CXADR: variants seen among roughly 807,000 people sequenced by gnomAD.
The protein encoded by CXADR is CXADR cell adhesion molecule, also known as coxsackievirus and adenovirus receptor.
Under a neutral mutation model 40.3 loss-of-function variants are expected in CXADR, and 20 were observed. The ratio of observed to expected loss-of-function variants is 0.50; its 90% CI spans 0.35 to 0.72. The LOEUF is 0.72. Ranked by LOEUF, CXADR falls within the 30% of genes least tolerant of loss-of-function variation. The pLI, the probability that CXADR is intolerant of heterozygous loss-of-function variation, is 0.01. For synonymous variants in CXADR, 150 were observed against 161.3 expected (o/e 0.93, Z 0.53); for missense variants, 332 against 449.1 (o/e 0.74, Z 2.36).
In CXADR at chr21:17,568,758, A is replaced by G. The variant is rs2061247918; in HGVS notation, c.*3066A>G. 2.0e-6 allele frequency: 2 copies of G among 985,198 alleles called. No homozygotes were observed. Among genetic ancestry groups the G allele is most frequent in the Non-Finnish European group, 2.4e-6 (2 of 829,944 alleles). The allele number at this position is 985,198 out of a possible 1,614,324, so 61.0% of individuals were successfully genotyped here. On this transcript the variant is annotated 3_prime_UTR_variant, in exon 7 of 7. Transcript: ENST00000284878. Reference sequence around the variant, plus strand: ...TTTCTTACTGGTAATCTTAACTAATATGATTCCCTTGTTAGAGAGCCTCTC... The same window carrying G: ...TTTCTTACTGGTAATCTTAACTAATGTGATTCCCTTGTTAGAGAGCCTCTC...
chr21:17,534,094 A>ATT (rs2060719030), intron 1 of CXADR, among the ~76,000 whole-genome samples: 5 of 90,692 alleles, frequency 5.5e-5, no homozygotes, highest in African/African-American at 2.0e-4. Context: ...ATATATATAT[A>ATT]TATATATTTT....
At chr21:17,599,455 C>T in the CXADR span, among the ~76,000 whole-genome samples, 194 of 146,592 alleles carry the variant, frequency 1.3e-3, 4 homozygotes, top group East Asian at 0.038. Flanking sequence ...GCTAGAATTA[C>T]AGGCATGCGC....
chr21:17,535,905 G>C (rs1190871296), intron 1 of CXADR, among the ~76,000 whole-genome samples: 1 of 152,122 alleles, frequency 6.6e-6, no homozygotes, highest in Non-Finnish European at 1.5e-5. Flanking sequence ...CTACTCGAGA[G>C]GCTAAGGTGG....
At chr21:17,626,318 A>G in the CXADR span, among the ~76,000 whole-genome samples, 1 of 152,252 alleles carries the variant, frequency 6.6e-6, no homozygotes, top group African/African-American at 2.4e-5. Context: ...AAAATGTGCT[A>G]TATACTGCAG....
chr21:17,550,019 A>T (rs2060945206), intron 2 of CXADR, among the ~76,000 whole-genome samples: 1 of 152,178 alleles, frequency 6.6e-6, no homozygotes, highest in African/African-American at 2.4e-5. Context: ...TTTACTTAGC[A>T]AACTGGTATT....
At chr21:17,524,151 C>T (rs940088647) in intron 1 of CXADR, among the ~76,000 whole-genome samples, 1 of 152,022 alleles carries the variant, frequency 6.6e-6, no homozygotes, top group African/African-American at 2.4e-5. Flanking sequence ...ACCTCAGCCT[C>T]CCAAAGTGCT....
At chr21:17,587,155 T>G (rs905791824) in intron 7 of CXADR, among the ~76,000 whole-genome samples, 14 of 152,224 alleles carry the variant, frequency 9.2e-5, no homozygotes, top group Non-Finnish European at 1.8e-4. Flanking sequence ...ACATGTGGGT[T>G]GGTTCCAAGT....
At chr21:17,561,792 T>C (rs906017238) in intron 6 of CXADR, among the ~76,000 whole-genome samples, 2 of 152,120 alleles carry the variant, frequency 1.3e-5, no homozygotes, top group Admixed American at 1.3e-4. Context: ...ATATTGAGGT[T>C]TGAAAAAAAA....
In CXADR at chr21:17,513,183, G is replaced by A. The variant is rs966203150; in HGVS notation, c.43+11G>A. 6.6e-6 allele frequency: 9 copies of A among 1,364,592 alleles called. No individual in the cohort carries two copies. The highest frequency in any genetic ancestry group is 3.0e-5 in the East Asian group (1 of 32,996). 84.5% of individuals were successfully genotyped at this position (1,364,592 alleles called of 1,614,324 possible). A position where few individuals can be genotyped will look rare whatever the true frequency, so the allele number is the denominator to read the frequency against. ...TGTGCGGAGTAGTGGGTGAGTAGGG[G>A]CCATGGGGTCCTCAGCACCCGCCCA... On this transcript the variant is annotated intron_variant, in intron 1 of 6. Transcript: ENST00000284878.
chr21:17,609,118 G>C, the CXADR span: 1 of 1,610,492 alleles, frequency 6.2e-7, no homozygotes, highest in Non-Finnish European at 8.5e-7. Flanking sequence ...TGAAAAAGAA[G>C]ACAACGGCAG....
intron 7 of CXADR, among the ~76,000 whole-genome samples, chr21:17,590,326 T>G (rs903199517): frequency 1.3e-5 from 2 of 151,952 alleles, no homozygotes; most frequent in Non-Finnish European, 2.9e-5. Flanking sequence ...ATTGCAGTGA[T>G]GTATCTGCTA....
At chr21:17,608,413 T>C in the CXADR span, among the ~76,000 whole-genome samples, 1 of 151,894 alleles carries the variant, frequency 6.6e-6, no homozygotes, top group Admixed American at 6.6e-5. Context: ...CCCAGAGCCA[T>C]TATTTACTAG....
At chr21:17,587,295 A>C (rs2061404436) in intron 7 of CXADR, among the ~76,000 whole-genome samples, 3 of 152,074 alleles carry the variant, frequency 2.0e-5, no homozygotes, top group African/African-American at 7.2e-5. Flanking sequence ...CTAGTTCTAG[A>C]TCCCTGAGGA....
At chr21:17,530,675 G>T (rs1034665722) in intron 1 of CXADR, among the ~76,000 whole-genome samples, 1 of 152,066 alleles carries the variant, frequency 6.6e-6, no homozygotes, top group African/African-American at 2.4e-5. Flanking sequence ...TTAGCCGGGC[G>T]TGGTAATGCA....
chr21:17,602,060 A>G, the CXADR span, among the ~76,000 whole-genome samples: 1 of 152,196 alleles, frequency 6.6e-6, no homozygotes, highest in Non-Finnish European at 1.5e-5. Flanking sequence ...CCATTTTTCA[A>G]TGATCACTGA....
At chr21:17,529,035 T>C (rs1229174577) in intron 1 of CXADR, among the ~76,000 whole-genome samples, 1 of 66,818 alleles carries the variant, frequency 1.5e-5, no homozygotes, top group Non-Finnish European at 2.4e-5. Flanking sequence ...ACTTTTTGTC[T>C]TTTTTTTTTT....
rs545306586 is a variant in CXADR, at chr21:17,513,350, T to TGGAGCCGTCCCGTAG, written c.43+186_43+200dup. On this transcript the variant is annotated intron_variant, in intron 1 of 6. Coordinates refer to ENST00000284878, the MANE Select transcript of CXADR (RefSeq NM_001338.5). ...GCGCTTTTGCTGGGCCGGGCGCTCC[T>TGGAGCCGTCCCGTAG]GGAGCCGTCCCGTAGGGAGCCGCGC... is the stretch of plus-strand genomic sequence containing the variant. Among the ~76,000 whole-genome samples the TGGAGCCGTCCCGTAG allele has an allele frequency of 3.7e-3, 561 of 151,966 alleles. 5 individuals carry two copies. Among genetic ancestry groups the TGGAGCCGTCCCGTAG allele is most frequent in the African/African-American group, 0.013 (519 of 41,452 alleles).
At chr21:17,583,443 T>C (rs983931348) in intron 7 of CXADR, among the ~76,000 whole-genome samples, 37 of 152,220 alleles carry the variant, frequency 2.4e-4, no homozygotes, top group African/African-American at 7.5e-4. Context: ...AGGAAAGATA[T>C]ACCAAATTTT....
At chr21:17,524,646 G>A (rs559737183) in intron 1 of CXADR, among the ~76,000 whole-genome samples, 1 of 144,772 alleles carries the variant, frequency 6.9e-6, no homozygotes, top group African/African-American at 2.6e-5. Context: ...TGTAATTCCA[G>A]CACTTTGGAA....
Sources: allele counts gnomAD v4.1 joint callset (sites outside exome capture counted in the v4.1 genomes callset), GRCh38; gene constraint gnomAD v4.1.1; transcripts MANE v1.5; gene names NCBI Gene and HGNC (gene_info 2026-07-23, HGNC 2026-07-21).